ADGRF5: variants seen among roughly 807,000 people sequenced by gnomAD.
ADGRF5 encodes G-protein coupled receptor 116.
Under a neutral mutation model 132.3 loss-of-function variants are expected in ADGRF5, and 75 were observed. That is an observed-to-expected ratio of 0.57 (90% CI 0.47 to 0.69). The LOEUF (loss-of-function observed/expected upper bound fraction) is 0.69, where lower values mean the gene tolerates loss of function less well. ADGRF5 is among the 30% of genes least tolerant of loss of function. ADGRF5 has a pLI of 0.00. For missense variants in ADGRF5, 1,516 were observed against 1,630.6 expected, an observed-to-expected ratio of 0.93 and a Z score of 1.21; for synonymous variants, 629 against 597.6, an observed-to-expected ratio of 1.05 and a Z score of -0.77.
In ADGRF5 at chr6:46,940,459, T is replaced by C. The variant is rs1394963286; in HGVS notation, c.-25+14275A>G. On this transcript the variant is annotated intron_variant, in intron 1 of 20. Transcript: ENST00000265417. The stretch of plus-strand genomic sequence containing the variant: ...GGGCATTTTGGATTTCCCAGCCTCC[T>C]CCTGCCTTATCTACAATGGAGGAAA... Among the ~76,000 whole-genome samples, 3 of 152,176 alleles carry C rather than the reference T, an allele frequency of 2.0e-5. No homozygotes were observed. In the East Asian group the frequency reaches 5.8e-4, roughly 29 times the overall value.
intron 1 of ADGRF5, among the ~76,000 whole-genome samples, chr6:46,911,876 T>C (rs1015319245): frequency 6.6e-6 from 1 of 152,154 alleles, no homozygotes; most frequent in African/African-American, 2.4e-5. Context: ...ATGAACATTA[T>C]TAAAGAATAA....
chr6:46,947,338 A>G (rs1778333484), intron 1 of ADGRF5, among the ~76,000 whole-genome samples: 2 of 152,236 alleles, frequency 1.3e-5, no homozygotes, highest in East Asian at 1.9e-4. Context: ...GGTCTGACCA[A>G]TGATGGCTGC....
Position 46,906,752 on chromosome 6 carries a change from G to A in ADGRF5, c.11C>T (p.Pro4Leu), listed in dbSNP as rs1775419818. 6.3e-7 allele frequency: 1 copy of A among 1,588,672 alleles called. No individual in the cohort carries two copies. Among genetic ancestry groups the A allele is most frequent in the East Asian group, 2.2e-5 (1 of 44,740 alleles). The change falls in exon 2 of 21, where the codon CCA (proline) becomes CTA (leucine). Residue 4 changes from proline to leucine, a missense_variant. Coordinates refer to ENST00000283296, the MANE Select transcript of ADGRF5 (RefSeq NM_001098518.2). MKS[P>L]RRTTLCLMFI... ...CATGAGGCACAAAGTGGTTCTCCTT[G>A]GGGATTTCATGTCTTCAAGTTTGAG...
chr6:46,880,126 T>C, intron 8 of ADGRF5, 87 bp from the exon 9 acceptor site: 1 of 878,528 alleles, frequency 1.1e-6, no homozygotes, highest in Admixed American at 2.0e-5. Context: ...CACAAGGCTC[T>C]TGGAGATCTT....
In ADGRF5 at chr6:46,884,519, A is replaced by G. The variant is rs1439104172; in HGVS notation, c.329-248T>C. Reference sequence around the variant, plus strand: ...GATGAATGGCTAAGTCATCTTTTAGATAGTCATGCCTAATAGCTAATAGCC... The same window carrying G: ...GATGAATGGCTAAGTCATCTTTTAGGTAGTCATGCCTAATAGCTAATAGCC... On this transcript the variant is annotated intron_variant, in intron 4 of 20. Transcript: ENST00000283296. Among the ~76,000 whole-genome samples, 3 of 152,214 alleles carry G rather than the reference A, an allele frequency of 2.0e-5. 1 individual carries two copies. Among genetic ancestry groups the G allele is most frequent in the Non-Finnish European group, 4.4e-5 (3 of 68,036 alleles).
At chr6:46,922,988 G>A (rs1433233537), upstream of ADGRF5, among the ~76,000 whole-genome samples, 6 of 152,158 alleles carry the variant, frequency 3.9e-5, no homozygotes, top group Admixed American at 1.3e-4. Flanking sequence ...GTCCAGTGGC[G>A]CGATCTTGGC....
In ADGRF5 at chr6:46,862,483, G is replaced by T. The variant is rs553395568; in HGVS notation, c.2199+405C>A. Among the ~76,000 whole-genome samples the T allele has an allele frequency of 5.3e-5, 8 of 152,154 alleles. No individual in the cohort carries two copies. In the South Asian group the frequency reaches 1.5e-3, roughly 28 times the overall value. On this transcript the variant is annotated intron_variant, in intron 15 of 20. Transcript: ENST00000283296. ...ATCAAGCCCAGCTATTTTTTTTAAA[G>T]AAATTGATGAAGCTTGTTTTTTTAT...
At chr6:46,922,626 CA>C (rs1777033821), upstream of ADGRF5, among the ~76,000 whole-genome samples, 1 of 152,146 alleles carries the variant, frequency 6.6e-6, no homozygotes, top group African/African-American at 2.4e-5. Context: ...CCTCATTTTA[CA>C]AAAGAGGAAA....
Position 46,935,899 on chromosome 6 carries a change from A to T in ADGRF5, c.-25+18835T>A, listed in dbSNP as rs1176886859. On this transcript the variant is annotated intron_variant, in intron 1 of 20. Coordinates refer to the ADGRF5 transcript ENST00000265417. Reference sequence around the variant, plus strand: ...GAAGGAAGGAAGCAGGAAGCCTTGTAGGGGGACGGGGTGAAGGCGTCCTCC... The same window carrying T: ...GAAGGAAGGAAGCAGGAAGCCTTGTTGGGGGACGGGGTGAAGGCGTCCTCC... Among the ~76,000 whole-genome samples, 6 of 152,264 alleles carry T rather than the reference A, an allele frequency of 3.9e-5. No individual in the cohort carries two copies. In the East Asian group the frequency reaches 9.7e-4, roughly 25 times the overall value.
chr6:46,906,086 C>T (rs917241350), intron 2 of ADGRF5, among the ~76,000 whole-genome samples: 2 of 152,248 alleles, frequency 1.3e-5, no homozygotes, highest in African/African-American at 4.8e-5. Context: ...GTACTTATCC[C>T]TCCCTTTACT....
At chr6:46,945,016 G>T (rs949931746) in intron 1 of ADGRF5, among the ~76,000 whole-genome samples, 1 of 152,192 alleles carries the variant, frequency 6.6e-6, no homozygotes, top group African/African-American at 2.4e-5. Flanking sequence ...AGTTCTGCAG[G>T]TGCGCTGTGG....
At chr6:46,926,397 C>T (rs946206584), upstream of ADGRF5, among the ~76,000 whole-genome samples, 6 of 152,124 alleles carry the variant, frequency 3.9e-5, no homozygotes, top group Admixed American at 2.0e-4. Flanking sequence ...AAGTCACCCT[C>T]CAAGTAGGAC....
At chr6:46,942,379 C>T (rs529401053) in intron 1 of ADGRF5, among the ~76,000 whole-genome samples, 22 of 152,302 alleles carry the variant, frequency 1.4e-4, no homozygotes, top group Middle Eastern at 3.4e-3. Context: ...GAATCCCTAA[C>T]GCAGCACGCT....
intron 1 of ADGRF5, among the ~76,000 whole-genome samples, chr6:46,946,163 C>T (rs1202091301): frequency 6.6e-6 from 1 of 152,078 alleles, no homozygotes; most frequent in Non-Finnish European, 1.5e-5. Context: ...CGGTTATAGC[C>T]ATTGGGAAGC....
intron 1 of ADGRF5, among the ~76,000 whole-genome samples, chr6:46,916,200 T>C (rs1776403554): frequency 6.6e-6 from 1 of 152,252 alleles, no homozygotes; most frequent in East Asian, 1.9e-4. Flanking sequence ...GCCTCTTTTC[T>C]TGTCCCCAAA....
At chr6:46,921,670 G>A (rs957045605) in intron 1 of ADGRF5, 43 bp downstream of exon 1, 7 of 152,260 alleles carry the variant, frequency 4.6e-5, no homozygotes, top group Non-Finnish European at 1.0e-4. Context: ...TTGCTACAAA[G>A]GGAGACAGAA....
At chr6:46,904,983 T>C (rs113371824) in intron 2 of ADGRF5, among the ~76,000 whole-genome samples, 215 of 152,294 alleles carry the variant, frequency 1.4e-3, no homozygotes, top group African/African-American at 4.9e-3. Flanking sequence ...CACCAAGATC[T>C]CTAGGAGGTC....
In ADGRF5 at chr6:46,899,398, G is replaced by C. The variant is rs140628628; in HGVS notation, c.157+631C>G. Among the ~76,000 whole-genome samples, 762 of 152,212 alleles carry C rather than the reference G, an allele frequency of 5.0e-3. 5 individuals are homozygous for C. Among genetic ancestry groups the C allele is most frequent in the Middle Eastern group, 0.024 (7 of 294 alleles). ...TGAAGGGCTTCTATGCTGGGAGTGG[G>C]AGCACCAGGTCCTGGGAATACCCAG... On this transcript the variant is annotated intron_variant, in intron 3 of 20. Coordinates refer to ENST00000283296, the MANE Select transcript of ADGRF5 (RefSeq NM_001098518.2).
chr6:46,953,909 G>A (rs1778623156), intron 1 of ADGRF5, among the ~76,000 whole-genome samples: 1 of 151,906 alleles, frequency 6.6e-6, no homozygotes, highest in Admixed American at 6.5e-5. Context: ...ATTTCTCTTA[G>A]AGTAAAGGCT....
Sources: gnomAD v4.1 joint callset for allele counts (sites outside exome capture counted in the v4.1 genomes callset) on GRCh38, gnomAD v4.1.1 for gene constraint, MANE v1.5 for transcripts, NCBI Gene and HGNC (gene_info 2026-07-23, HGNC 2026-07-21) for gene names.